Variants in ATP11A observed in about 807,000 individuals in gnomAD.
The protein encoded by ATP11A is ATPase phospholipid transporting 11A.
Under a neutral mutation model 154.4 loss-of-function variants are expected in ATP11A, and 81 were observed. The ratio of observed to expected loss-of-function variants is 0.52; its 90% CI spans 0.44 to 0.63. ATP11A has a LOEUF of 0.63. Among genes scored for constraint, ATP11A ranks in the 30% least tolerant of loss-of-function variants. The probability of loss-of-function intolerance (pLI) is 0.00; values close to 1 mark genes in which losing one functional copy is unlikely to be tolerated. For missense variants in ATP11A, 1,316 were observed against 1,474.3 expected, an observed-to-expected ratio of 0.89 and a Z score of 1.76; for synonymous variants, 623 against 585.9, an observed-to-expected ratio of 1.06 and a Z score of -0.91.
At chr13:112,799,498 C>CG (rs2078079209) in intron 2 of ATP11A, among the ~76,000 whole-genome samples, 1 of 144,886 alleles carries the variant, frequency 6.9e-6, no homozygotes, top group Non-Finnish European at 1.5e-5. Flanking sequence ...TGGGCAGGGG[C>CG]GGGGGTCACA....
chr13:112,708,017 C>A (rs1280402503), intron 1 of ATP11A, among the ~76,000 whole-genome samples: 1 of 152,216 alleles, frequency 6.6e-6, no homozygotes, highest in Non-Finnish European at 1.5e-5. Context: ...GGGCCCAATT[C>A]TTCTCCATGA....
chr13:112,697,794 G>C lies in ATP11A; in HGVS notation c.39+7339G>C, dbSNP rs374513854. The stretch of plus-strand genomic sequence containing the variant: ...TCACCATATTGGCCAGGCTGGTCTC[G>C]AACTCCTGACCTCAGATGATCCGCC... On this transcript the variant is annotated intron_variant, in intron 1 of 29. Coordinates refer to ENST00000375645, the MANE Select transcript of ATP11A (RefSeq NM_015205.3). The surrounding 1 kb of genome is among the most constrained non-coding windows in gnomAD (Gnocchi z 4.0). 6.8e-6 allele frequency among the ~76,000 whole-genome samples: 1 copy of C among 147,418 alleles called. No homozygotes were observed. Among genetic ancestry groups the C allele is most frequent in the Admixed American group, 6.8e-5 (1 of 14,642 alleles).
intron 1 of ATP11A, among the ~76,000 whole-genome samples, chr13:112,765,587 CA>C (rs1416010338): frequency 6.6e-6 from 1 of 152,238 alleles, no homozygotes; most frequent in Non-Finnish European, 1.5e-5. Context: ...AAGAAGCGCT[CA>C]GTCGATGTTC....
chr13:112,877,618 A>T (rs1179365375), intron 28 of ATP11A, among the ~76,000 whole-genome samples: 5 of 152,072 alleles, frequency 3.3e-5, no homozygotes, highest in Non-Finnish European at 5.9e-5. Context: ...TGGGGTTTGC[A>T]CGAGTCTCAG....
intron 1 of ATP11A, among the ~76,000 whole-genome samples, chr13:112,732,223 C>T (rs1192664379): frequency 1.3e-5 from 2 of 152,266 alleles, no homozygotes; most frequent in East Asian, 3.9e-4. Context: ...CCATTGCACT[C>T]AGGTGGGCAA....
In ATP11A at chr13:112,728,574, C is replaced by T. The variant is rs560855331; in HGVS notation, c.39+38119C>T. On this transcript the variant is annotated intron_variant, in intron 1 of 29. Transcript: ENST00000375645. The stretch of plus-strand genomic sequence containing the variant: ...GCCTCCCTGTGTTACCTGTATGTAC[C>T]GCGTTGTCACTATCCACTCGTGGGG... Among the ~76,000 whole-genome samples the T allele has an allele frequency of 2.0e-5, 3 of 148,928 alleles. No homozygotes were observed. In the South Asian group the frequency reaches 6.5e-4, roughly 32 times the overall value.
At chr13:112,818,229 C>T (rs760063699) in intron 6 of ATP11A, among the ~76,000 whole-genome samples, 21 of 148,418 alleles carry the variant, frequency 1.4e-4, no homozygotes, top group Non-Finnish European at 2.1e-4. Context: ...CGCTTGGTGA[C>T]GGGGCGGTGA....
intron 16 of ATP11A, among the ~76,000 whole-genome samples, chr13:112,837,728 C>T (rs528915969): frequency 1.3e-5 from 2 of 152,252 alleles, no homozygotes; most frequent in South Asian, 2.1e-4. Context: ...TAAGATGTGC[C>T]GAGTTTAATT....
chr13:112,788,867 A>G (rs530480125), intron 2 of ATP11A, among the ~76,000 whole-genome samples: 11 of 149,950 alleles, frequency 7.3e-5, no homozygotes, highest in Non-Finnish European at 1.3e-4. Flanking sequence ...CACACCCGGC[A>G]TCCTGACGTG....
intron 26 of ATP11A, 174 bp from the exon 27 acceptor site, chr13:112,873,374 AGGTGTGGCTTTGTCTTCCTGAGCGG>A: frequency 1.9e-6 from 1 of 522,118 alleles, no homozygotes; most frequent in Non-Finnish European, 3.3e-6. Flanking sequence ...GAGCGGTGTG[AGGTGTGGCTTTGTCTTCCTGAGCGG>A]TGTGAGGTGT....
intron 1 of ATP11A, among the ~76,000 whole-genome samples, chr13:112,736,088 A>G (rs1314360348): frequency 6.6e-6 from 1 of 152,206 alleles, no homozygotes; most frequent in Non-Finnish European, 1.5e-5. Flanking sequence ...ACCTTGCTTA[A>G]GGAGCGCACA....
chr13:112,754,960 A>G lies in ATP11A; in HGVS notation c.40-30175A>G, dbSNP rs1225537833. Among the ~76,000 whole-genome samples, 1 of 152,054 alleles carries G rather than the reference A, an allele frequency of 6.6e-6. No individual in the cohort carries two copies. The highest frequency in any genetic ancestry group is 1.5e-5 in the Non-Finnish European group (1 of 68,012). On this transcript the variant is annotated intron_variant, in intron 1 of 29. Coordinates refer to ENST00000375645, the MANE Select transcript of ATP11A (RefSeq NM_015205.3). The surrounding 1 kb of genome is among the most constrained non-coding windows in gnomAD (Gnocchi z 5.3). ...CTGACCTGCTCCGCGGTGGGCGCAG[A>G]GCTCCTGCCGAGGGCTGGATGGCGC...
chr13:112,881,525 C>T lies in ATP11A; in HGVS notation c.*10-351C>T. ...GGTTTCCCGTCCATGGCCTGTATCC[C>T]TGGGGCCCCTGGGTTCTTCCCTGGG... On this transcript the variant is annotated intron_variant, in intron 29 of 29. Transcript: ENST00000375645. 4.4e-6 allele frequency: 5 copies of T among 1,132,302 alleles called. No homozygotes were observed. In the South Asian group the frequency reaches 1.0e-4, roughly 23 times the overall value. The allele number at this position is 1,132,302 out of a possible 1,614,324, so 70.1% of individuals were successfully genotyped here. A position where few individuals can be genotyped will look rare whatever the true frequency, so the allele number is the denominator to read the frequency against.
intron 12 of ATP11A, among the ~76,000 whole-genome samples, chr13:112,828,610 C>T (rs1398880479): frequency 6.6e-6 from 1 of 152,076 alleles, no homozygotes. Flanking sequence ...CAAGGGAAAG[C>T]GCCCAGCAGC....
rs533745712 is a variant in ATP11A, at chr13:112,722,578, C to T, written c.39+32123C>T. ...AGGAAGGAGGGGGTGAGGAGGCATC[C>T]GAGTCCCATCAGGGCCGGAAGCAGG... On this transcript the variant is annotated intron_variant, in intron 1 of 29. Coordinates refer to ENST00000375645, the MANE Select transcript of ATP11A (RefSeq NM_015205.3). Among the ~76,000 whole-genome samples the T allele has an allele frequency of 8.5e-5, 13 of 152,186 alleles. 1 individual carries two copies. Among genetic ancestry groups the T allele is most frequent in the African/African-American group, 2.4e-4 (10 of 41,516 alleles).
chr13:112,759,505 G>A (rs2076918101), intron 1 of ATP11A, among the ~76,000 whole-genome samples: 1 of 152,220 alleles, frequency 6.6e-6, no homozygotes, highest in Non-Finnish European at 1.5e-5. Flanking sequence ...AATTCAGCCA[G>A]CTGTGACGAT....
At chr13:112,857,520 A>G (rs1005779986) in intron 20 of ATP11A, among the ~76,000 whole-genome samples, 2 of 152,258 alleles carry the variant, frequency 1.3e-5, no homozygotes, top group Non-Finnish European at 2.9e-5. Flanking sequence ...AACAATAACT[A>G]CAAGCTACTT....
At chr13:112,791,237 C>A (rs969000738) in intron 2 of ATP11A, among the ~76,000 whole-genome samples, 18 of 152,230 alleles carry the variant, frequency 1.2e-4, no homozygotes, top group African/African-American at 4.1e-4. Context: ...CCATTGTGGA[C>A]TTGTAGGGCA....
intron 1 of ATP11A, among the ~76,000 whole-genome samples, chr13:112,708,032 G>T (rs1887346526): frequency 6.6e-6 from 1 of 152,154 alleles, no homozygotes; most frequent in Non-Finnish European, 1.5e-5. Flanking sequence ...CCATGACAAA[G>T]CCCAACCGCA....
Sources: allele counts gnomAD v4.1 joint callset (sites outside exome capture counted in the v4.1 genomes callset), GRCh38; gene constraint gnomAD v4.1.1; non-coding constraint Gnocchi (gnomAD v3.1); transcripts MANE v1.5; gene names NCBI Gene and HGNC (gene_info 2026-07-23, HGNC 2026-07-21).